The following CDC42BPA variants were observed in gnomAD, a reference collection of about 807,000 sequenced individuals.
The protein encoded by CDC42BPA is CDC42 binding protein kinase alpha.
In CDC42BPA, 80 loss-of-function variants were observed where a neutral mutation model predicts 223.5. The observed-to-expected ratio is 0.36, with a 90% CI of 0.30 to 0.43. The LOEUF (loss-of-function observed/expected upper bound fraction) is 0.43. Among genes scored for constraint, CDC42BPA ranks in the 20% least tolerant of loss-of-function variants. The pLI is 1.00. For missense variants in CDC42BPA, 1,743 were observed against 2,099.9 expected (o/e 0.83, Z 3.32); for synonymous variants, 694 against 718.6 (o/e 0.97, Z 0.55).
chr1:227,187,670 G>A (rs1332174500), intron 5 of CDC42BPA, among the ~76,000 whole-genome samples: 3 of 10,104 alleles, frequency 3.0e-4, no homozygotes, highest in Non-Finnish European at 7.0e-4. Context: ...AGGATAAATG[G>A]CACCCCCCAC....
At chr1:227,224,388 C>G (rs1479433650) in intron 2 of CDC42BPA, among the ~76,000 whole-genome samples, 1 of 151,982 alleles carries the variant, frequency 6.6e-6, no homozygotes, top group Non-Finnish European at 1.5e-5. Flanking sequence ...TGCGTGCCAC[C>G]ACCCCGGCTA....
At chr1:227,194,482 C>T (rs1438190035) in intron 4 of CDC42BPA, among the ~76,000 whole-genome samples, 2 of 152,158 alleles carry the variant, frequency 1.3e-5, no homozygotes, top group African/African-American at 4.8e-5. Context: ...TGTCTCTTCC[C>T]ATTTCTAATA....
At chr1:227,239,491 G>T (rs940658429) in intron 2 of CDC42BPA, among the ~76,000 whole-genome samples, 1 of 152,066 alleles carries the variant, frequency 6.6e-6, no homozygotes, top group African/African-American at 2.4e-5. Flanking sequence ...CAGTGTTTTG[G>T]GAGATGAAGA....
chr1:227,248,415 G>A (rs145727021), intron 2 of CDC42BPA, among the ~76,000 whole-genome samples: 5 of 151,452 alleles, frequency 3.3e-5, no homozygotes, highest in Admixed American at 6.6e-5. Context: ...ATTCAGTAAA[G>A]TTGCAGGATA....
intron 22 of CDC42BPA, among the ~76,000 whole-genome samples, chr1:227,051,449 AACTATTC>A (rs1260400139): frequency 6.6e-6 from 1 of 152,224 alleles, no homozygotes; most frequent in African/African-American, 2.4e-5. Context: ...AGTTAGAATG[AACTATTC>A]AGTTGCCAGA....
At chr1:227,233,794 G>A (rs1379001047) in intron 2 of CDC42BPA, among the ~76,000 whole-genome samples, 3 of 152,040 alleles carry the variant, frequency 2.0e-5, no homozygotes, top group African/African-American at 4.8e-5. Context: ...TTAGCCAGGC[G>A]TGGTGGCGGA....
At chr1:227,264,955 T>G (rs1417895791) in intron 1 of CDC42BPA, 4 of 1,032,936 alleles carry the variant, frequency 3.9e-6, no homozygotes, top group Non-Finnish European at 6.1e-6. Context: ...TCTCTTCCTC[T>G]TCTTGTATAA....
chr1:227,212,940 A>G (rs1272794245), intron 3 of CDC42BPA, among the ~76,000 whole-genome samples, 196 bp downstream of exon 3: 2 of 152,146 alleles, frequency 1.3e-5, no homozygotes, highest in Non-Finnish European at 1.5e-5. Context: ...TATTCCACTA[A>G]TATTAAATTA....
intron 11 of CDC42BPA, among the ~76,000 whole-genome samples, chr1:227,126,063 A>T (rs1271754172): frequency 1.3e-5 from 2 of 151,994 alleles, no homozygotes; most frequent in African/African-American, 4.8e-5. Flanking sequence ...CATCTCTCCC[A>T]CCTAGCAGAC....
chr1:227,297,967 T>TATATATACACACACACAC (rs369403944), intron 1 of CDC42BPA, among the ~76,000 whole-genome samples: 24 of 132,084 alleles, frequency 1.8e-4, no homozygotes, highest in African/African-American at 7.0e-4. Context: ...TATATACATA[T>TATATATACACACACACAC]ACACACACAC....
chr1:227,081,055 C>G, intron 16 of CDC42BPA, 38 bp from the exon 17 acceptor site: 2 of 1,607,580 alleles, frequency 1.2e-6, no homozygotes, highest in Non-Finnish European at 1.7e-6. Flanking sequence ...ACTTTTAGGA[C>G]CAAGAATTCG....
intron 1 of CDC42BPA, among the ~76,000 whole-genome samples, chr1:227,257,064 G>T (rs1683203435): frequency 6.6e-6 from 1 of 151,532 alleles, no homozygotes; most frequent in Non-Finnish European, 1.5e-5. Context: ...TTGAAAACAT[G>T]CTAAGTAAAG....
chr1:227,028,769 G>C lies in CDC42BPA; in HGVS notation c.4320C>G (p.Ile1440Met). The change falls in exon 30 of 37, where the codon ATC (isoleucine) becomes ATG (methionine). Residue 1440 changes from isoleucine to methionine, a missense_variant. This residue lies in a region of CDC42BPA where 678 missense variants were observed against 777.5 expected (regional missense o/e 0.87). Coordinates refer to ENST00000366766, the MANE Select transcript of CDC42BPA (RefSeq NM_001394014.1). ...AACACAGCAGATATTCTTTACTGGA[G>C]ATCTCAACTGCGCAGATAGCATCCA... ...QPMDAICAVEISSKEYLLCFN... is the reference protein window; with the variant it reads ...QPMDAICAVEMSSKEYLLCFN... The C allele has an allele frequency of 6.2e-7, 1 of 1,613,982 alleles. No individual in the cohort carries two copies. Among genetic ancestry groups the C allele is most frequent in the Non-Finnish European group, 8.5e-7 (1 of 1,179,884 alleles).
At chr1:227,103,988 G>C (rs1312098862) in intron 14 of CDC42BPA, among the ~76,000 whole-genome samples, 1 of 151,806 alleles carries the variant, frequency 6.6e-6, no homozygotes, top group Middle Eastern at 3.2e-3. Flanking sequence ...CAAAATTAAG[G>C]GATACATGAT....
chr1:227,100,870 C>T (rs11806820), intron 15 of CDC42BPA, 122 bp downstream of exon 15: 79,405 of 600,822 alleles, frequency 0.13, 6,232 homozygotes, highest in African/African-American at 0.25. Flanking sequence ...TTTCTATCTG[C>T]CAATCCTGAC....
Position 227,112,361 on chromosome 1 carries a change from T to C in CDC42BPA, c.1952A>G (p.Gln651Arg). 1 of 1,609,312 alleles carries C rather than the reference T, an allele frequency of 6.2e-7. No individual in the cohort carries two copies. The highest frequency in any genetic ancestry group is 8.5e-7 in the Non-Finnish European group (1 of 1,177,904). Residue 651 changes from glutamine (Q) to arginine (R), a missense_variant, in exon 14 of 37, where the codon CAG becomes CGG. By Grantham distance (43) the Gln-to-Arg change is conservative. Transcript: ENST00000366766. Reference protein sequence around the residue: ...EASKDRKLREQSEHYSKQLEN... With the variant: ...EASKDRKLRERSEHYSKQLEN... ...CAGTTGCTTAGAATAGTGCTCACTCTGTTCACGTAGCTTCCTGTCTTTAGA... is the reference window on the plus strand; with the variant it reads ...CAGTTGCTTAGAATAGTGCTCACTCCGTTCACGTAGCTTCCTGTCTTTAGA...
At chr1:227,281,457 A>G (rs1462680321) in intron 1 of CDC42BPA, among the ~76,000 whole-genome samples, 1 of 152,128 alleles carries the variant, frequency 6.6e-6, no homozygotes, top group African/African-American at 2.4e-5. Context: ...ATTTCAGGCA[A>G]GGGCTCTTCT....
At position 227,065,638 on chromosome 1, in the gene CDC42BPA, T is replaced by C. The variant is rs113263852; in HGVS notation, c.2904+4139A>G. Among the ~76,000 whole-genome samples the C allele has an allele frequency of 9.2e-3, 1,396 of 152,250 alleles. 24 individuals are homozygous for C. Among genetic ancestry groups the C allele is most frequent in the African/African-American group, 0.032 (1,333 of 41,538 alleles). ...AAACATGTGGAGGAAAAAATAGGGA[T>C]GGGAACATTTTAACTTAAAACCGTA... On this transcript the variant is annotated intron_variant, in intron 21 of 36. Coordinates refer to ENST00000366766, the MANE Select transcript of CDC42BPA (RefSeq NM_001394014.1).
chr1:227,298,797 A>G (rs1691146544), intron 1 of CDC42BPA, among the ~76,000 whole-genome samples: 2 of 152,214 alleles, frequency 1.3e-5, no homozygotes, highest in Non-Finnish European at 2.9e-5. Context: ...AGCACATGAA[A>G]TATCTCAAAC....
Sources: gnomAD v4.1 joint callset for allele counts (sites outside exome capture counted in the v4.1 genomes callset) on GRCh38, gnomAD v4.1.1 for gene constraint, gnomAD v4.1.1 regional missense constraint, MANE v1.5 for transcripts, NCBI Gene and HGNC (gene_info 2026-07-23, HGNC 2026-07-21) for gene names.